The following SH3BGRL2 variants were observed in gnomAD, a reference collection of about 807,000 sequenced individuals.
SH3BGRL2 encodes the protein SH3 domain binding glutamate rich protein like 2, also known as SH3 domain-binding glutamic acid-rich-like protein 2.
SH3BGRL2 carries 21 observed loss-of-function variants against 14.8 expected under a neutral mutation model. The observed-to-expected ratio is 1.42, with a 90% CI of 1.01 to 2.05. The LOEUF (loss-of-function observed/expected upper bound fraction) is 2.05. Ranked by LOEUF, SH3BGRL2 falls within the 30% of genes most tolerant of loss-of-function variation. The pLI, the probability that SH3BGRL2 is intolerant of heterozygous loss-of-function variation, is 0.00. For synonymous variants in SH3BGRL2, 50 were observed against 47.8 expected, an observed-to-expected ratio of 1.05 and a Z score of -0.19; for missense variants, 147 against 130.8, an observed-to-expected ratio of 1.12 and a Z score of -0.61.
the SH3BGRL2 span, among the ~76,000 whole-genome samples, chr6:79,605,605 A>C: frequency 2.0e-5 from 3 of 152,224 alleles, no homozygotes; most frequent in African/African-American, 7.2e-5. Flanking sequence ...ATGAATGCCT[A>C]ATTTCAAATT....
chr6:79,661,102 T>C (rs1014900607), intron 1 of SH3BGRL2, among the ~76,000 whole-genome samples: 2 of 152,316 alleles, frequency 1.3e-5, no homozygotes, highest in Admixed American at 6.5e-5. Context: ...CATTGATTTT[T>C]TGAAGGCTTT....
intron 2 of SH3BGRL2, among the ~76,000 whole-genome samples, chr6:79,674,138 A>T (rs1769834921): frequency 6.6e-6 from 1 of 152,206 alleles, no homozygotes; most frequent in Non-Finnish European, 1.5e-5. Flanking sequence ...ATTTTGAAGC[A>T]TTAAAAATAA....
At chr6:79,688,327 A>T (rs1326710761) in intron 2 of SH3BGRL2, among the ~76,000 whole-genome samples, 2 of 152,192 alleles carry the variant, frequency 1.3e-5, no homozygotes, top group East Asian at 3.8e-4. Flanking sequence ...TATACAGTTC[A>T]GAGATTTTTC....
At chr6:79,660,241 G>T (rs1175539051) in intron 1 of SH3BGRL2, among the ~76,000 whole-genome samples, 2 of 152,130 alleles carry the variant, frequency 1.3e-5, no homozygotes, top group African/African-American at 4.8e-5. Context: ...AATGCTTCTA[G>T]TTTTTGCCCA....
At chr6:79,576,069 A>G in the SH3BGRL2 span, among the ~76,000 whole-genome samples, 3 of 152,274 alleles carry the variant, frequency 2.0e-5, no homozygotes, top group South Asian at 2.1e-4. Context: ...AATCACTATG[A>G]TAGCCTATTC....
chr6:79,608,653 G>A, the SH3BGRL2 span, among the ~76,000 whole-genome samples: 3 of 152,162 alleles, frequency 2.0e-5, no homozygotes, highest in Admixed American at 1.3e-4. Context: ...TGCCTCAGCA[G>A]TTATTATTCA....
At chr6:79,619,722 G>A in the SH3BGRL2 span, among the ~76,000 whole-genome samples, 22 of 152,258 alleles carry the variant, frequency 1.4e-4, no homozygotes, top group African/African-American at 5.3e-4. Context: ...TCAAGTTTAG[G>A]TGGGAAGATG....
the SH3BGRL2 span, chr6:79,561,536 A>C: frequency 1.3e-5 from 2 of 152,222 alleles, no homozygotes; most frequent in Non-Finnish European, 2.9e-5. Flanking sequence ...GCTACCTGTT[A>C]AAATTCACCC....
chr6:79,604,635 G>T, the SH3BGRL2 span, among the ~76,000 whole-genome samples: 4 of 152,174 alleles, frequency 2.6e-5, no homozygotes, highest in African/African-American at 4.8e-5. Flanking sequence ...GTTGTGCACA[G>T]TATATAATCA....
the SH3BGRL2 span, among the ~76,000 whole-genome samples, chr6:79,549,700 A>C: frequency 6.6e-6 from 1 of 152,204 alleles, no homozygotes; most frequent in Non-Finnish European, 1.5e-5. Context: ...GGGAGGAGGA[A>C]GCTGGGGAAT....
At chr6:79,563,220 A>C in the SH3BGRL2 span, among the ~76,000 whole-genome samples, 2 of 145,012 alleles carry the variant, frequency 1.4e-5, no homozygotes, top group Admixed American at 7.0e-5. Flanking sequence ...CTCATGATCC[A>C]CCCGCCTCGG....
the SH3BGRL2 span, among the ~76,000 whole-genome samples, chr6:79,550,048 T>C: frequency 6.6e-6 from 1 of 152,144 alleles, no homozygotes; most frequent in Non-Finnish European, 1.5e-5. Context: ...TAGTAAGAAT[T>C]ATGGACCAAA....
chr6:79,578,974 A>C, the SH3BGRL2 span, among the ~76,000 whole-genome samples: 1 of 152,240 alleles, frequency 6.6e-6, no homozygotes, highest in African/African-American at 2.4e-5. Context: ...GATGGAGCTG[A>C]AAACCATGGT....
intron 1 of SH3BGRL2, among the ~76,000 whole-genome samples, chr6:79,665,498 T>C (rs1446621383): frequency 6.6e-6 from 1 of 152,136 alleles, no homozygotes; most frequent in African/African-American, 2.4e-5. Flanking sequence ...TATGGGTTTT[T>C]TAAAATTAAA....
the SH3BGRL2 span, among the ~76,000 whole-genome samples, chr6:79,605,257 G>T: frequency 1.3e-5 from 2 of 152,156 alleles, no homozygotes; most frequent in East Asian, 1.9e-4. Flanking sequence ...TGACAGCTCC[G>T]GGTGAGCCCA....
chr6:79,665,162 T>C (rs933863223), intron 1 of SH3BGRL2, among the ~76,000 whole-genome samples: 3 of 152,202 alleles, frequency 2.0e-5, no homozygotes, highest in Admixed American at 2.0e-4. Context: ...ATCGAGCCAC[T>C]GCACTCCAGC....
the SH3BGRL2 span, among the ~76,000 whole-genome samples, chr6:79,601,224 GT>G: frequency 1.3e-5 from 2 of 152,228 alleles, no homozygotes; most frequent in African/African-American, 2.4e-5. Context: ...GTCTTATTCT[GT>G]GGCCCAGGCT....
intron 1 of SH3BGRL2, among the ~76,000 whole-genome samples, chr6:79,667,908 C>G (rs946608071): frequency 1.3e-5 from 2 of 152,104 alleles, no homozygotes; most frequent in African/African-American, 4.8e-5. Flanking sequence ...CACCTCCCCC[C>G]AGTTTTCCTC....
intron 2 of SH3BGRL2, among the ~76,000 whole-genome samples, chr6:79,674,504 CTCTAAGTA>C (rs1279242338): frequency 1.3e-5 from 2 of 152,164 alleles, no homozygotes; most frequent in African/African-American, 4.8e-5. Context: ...TTTGCCATAT[CTCTAAGTA>C]TCTAAGTCAG....
Sources: gnomAD v4.1 joint callset for allele counts (sites outside exome capture counted in the v4.1 genomes callset) on GRCh38, gnomAD v4.1.1 for gene constraint, MANE v1.5 for transcripts, NCBI Gene and HGNC (gene_info 2026-07-23, HGNC 2026-07-21) for gene names.